Variants in AEBP2 observed in about 807,000 individuals in gnomAD.
The protein encoded by AEBP2 is zinc finger protein AEBP2.
In AEBP2, 10 loss-of-function variants were observed where a neutral mutation model predicts 50.8. The ratio of observed to expected loss-of-function variants is 0.20; its 90% CI spans 0.12 to 0.33. AEBP2 has a LOEUF of 0.33. Among genes scored for constraint, AEBP2 ranks in the 10% least tolerant of loss-of-function variants. The pLI is 1.00. For synonymous variants in AEBP2, 296 were observed against 261.3 expected (o/e 1.13, Z -1.28); for missense variants, 570 against 688.0 (o/e 0.83, Z 1.92).
intron 2 of AEBP2, among the ~76,000 whole-genome samples, chr12:19,463,336 A>C (rs1183384077): frequency 2.0e-5 from 3 of 152,238 alleles, no homozygotes; most frequent in Non-Finnish European, 4.4e-5. Flanking sequence ...TGGGTAAGCC[A>C]AAAGTAATGT....
At chr12:19,446,205 C>T (rs1948062539) in intron 1 of AEBP2, 1 of 152,162 alleles carries the variant, frequency 6.6e-6, no homozygotes, top group African/African-American at 2.4e-5. Context: ...CATTGCGCCC[C>T]ATTTAGTGAT....
chr12:19,518,218 C>CTTT lies in AEBP2; in HGVS notation c.*119_*121dup, dbSNP rs34795094. ...AGTTGCACATTAGAGTCAACCCCTT[C>CTTT]TTTTTTTTTTTTTTTTTTTTAAATC... On this transcript the variant is annotated 3_prime_UTR_variant, in exon 8 of 8. Coordinates refer to ENST00000266508, the MANE Select transcript of AEBP2 (RefSeq NM_153207.5). 486 of 1,131,398 alleles carry CTTT rather than the reference C, an allele frequency of 4.3e-4. No individual in the cohort carries two copies. Among genetic ancestry groups the CTTT allele is most frequent in the East Asian group, 1.2e-3 (30 of 24,430 alleles). 70.1% of individuals were successfully genotyped at this position (1,131,398 alleles called of 1,614,324 possible).
At chr12:19,408,193 A>T (rs1008947976) in intron 1 of AEBP2, among the ~76,000 whole-genome samples, 6 of 152,248 alleles carry the variant, frequency 3.9e-5, no homozygotes, top group Admixed American at 3.9e-4. Context: ...CCATAACAAA[A>T]ATACAAAACC....
intron 1 of AEBP2, among the ~76,000 whole-genome samples, chr12:19,424,521 T>C (rs1281303089): frequency 1.3e-5 from 2 of 151,846 alleles, no homozygotes; most frequent in African/African-American, 2.4e-5. Flanking sequence ...CTCAGCCTCC[T>C]GAGTAGCTGG....
intron 1 of AEBP2, among the ~76,000 whole-genome samples, chr12:19,455,829 C>T (rs1211035517): frequency 2.0e-5 from 3 of 152,092 alleles, no homozygotes; most frequent in Non-Finnish European, 2.9e-5. Flanking sequence ...TCTCTAACAA[C>T]GTGTGTGTAG....
chr12:19,500,104 A>G lies in AEBP2; in HGVS notation c.1182A>G (p.Pro394=). The G allele has an allele frequency of 6.2e-7, 1 of 1,605,572 alleles. No individual in the cohort carries two copies. The highest frequency in any genetic ancestry group is 8.5e-7 in the Non-Finnish European group (1 of 1,176,214). The part of the protein sequence containing the change: ...KNKRRRSLPR[P]HDFFDAQTLD... ...TTTTATGTTGACTTTTAGCACGGCCACATGATTTCTTCGATGCACAAACAC... is the reference window on the plus strand; with the variant it reads ...TTTTATGTTGACTTTTAGCACGGCCGCATGATTTCTTCGATGCACAAACAC... Residue 394 remains proline (P), a synonymous_variant, in exon 5 of 8, where the codon CCA becomes CCG. Transcript: ENST00000266508.
intron 5 of AEBP2, among the ~76,000 whole-genome samples, chr12:19,506,541 A>C (rs934588366): frequency 6.6e-6 from 1 of 152,202 alleles, no homozygotes; most frequent in African/African-American, 2.4e-5. Context: ...GCACCACCAC[A>C]GTTAAGATAG....
chr12:19,481,290 G>A (rs1948726406), intron 3 of AEBP2, among the ~76,000 whole-genome samples: 1 of 150,632 alleles, frequency 6.6e-6, no homozygotes, highest in Non-Finnish European at 1.5e-5. Flanking sequence ...TTTAGTAGAG[G>A]CAGGGTTTCA....
chr12:19,513,909 T>A (rs970830204), intron 6 of AEBP2, among the ~76,000 whole-genome samples: 9 of 144,878 alleles, frequency 6.2e-5, no homozygotes, highest in African/African-American at 1.6e-4. Flanking sequence ...TTTTTTTTTT[T>A]AATGGAGTTT....
chr12:19,460,665 T>TC (rs1261907704), intron 1 of AEBP2, among the ~76,000 whole-genome samples: 4 of 151,670 alleles, frequency 2.6e-5, no homozygotes, highest in African/African-American at 9.7e-5. Context: ...AAGTTTTTTT[T>TC]TTTTTTTGAG....
At chr12:19,421,904 C>T (rs2095746034) in intron 1 of AEBP2, among the ~76,000 whole-genome samples, 1 of 151,876 alleles carries the variant, frequency 6.6e-6, no homozygotes, top group African/African-American at 2.4e-5. Flanking sequence ...AATCCCAGCA[C>T]TTTGGGAGGC....
At chr12:19,491,359 C>T (rs142264291) in intron 3 of AEBP2, among the ~76,000 whole-genome samples, 3 of 152,252 alleles carry the variant, frequency 2.0e-5, no homozygotes, top group African/African-American at 4.8e-5. Flanking sequence ...ATGAATATGG[C>T]TAATTGCCTC....
chr12:19,509,820 C>CTTTTTTTT (rs57103167), intron 5 of AEBP2, among the ~76,000 whole-genome samples: 1 of 68,746 alleles, frequency 1.5e-5, no homozygotes, highest in African/African-American at 5.8e-5. Flanking sequence ...TGGCTACTTT[C>CTTTTTTTT]TTTTTTTTTT....
chr12:19,476,849 G>A (rs529337330), intron 3 of AEBP2, among the ~76,000 whole-genome samples: 1 of 152,296 alleles, frequency 6.6e-6, no homozygotes, highest in South Asian at 2.1e-4. Flanking sequence ...GTTCTGTGAA[G>A]ATTGATGATG....
At chr12:19,510,107 G>C (rs1393409463) in intron 5 of AEBP2, among the ~76,000 whole-genome samples, 1 of 152,050 alleles carries the variant, frequency 6.6e-6, no homozygotes, top group East Asian at 1.9e-4. Flanking sequence ...ATTAGTGTGT[G>C]TGTAAACCCA....
intron 3 of AEBP2, among the ~76,000 whole-genome samples, chr12:19,474,021 C>T (rs1329010070): frequency 6.6e-6 from 1 of 151,998 alleles, no homozygotes; most frequent in African/African-American, 2.4e-5. Context: ...TTTTCATTAG[C>T]AAACAACATT....
chr12:19,457,138 C>T, intron 1 of AEBP2: 2 of 1,598,380 alleles, frequency 1.3e-6, no homozygotes, highest in Non-Finnish European at 1.7e-6. Context: ...TTCCTCATAT[C>T]TCTTCTGGCT....
At position 19,428,859 on chromosome 12, in the gene AEBP2, C is replaced by T. The variant is rs548860322; in HGVS notation, c.-17+24643C>T. Among the ~76,000 whole-genome samples the T allele has an allele frequency of 5.9e-5, 9 of 151,980 alleles. No individual in the cohort carries two copies. The South Asian group carries it at 8.3e-4, about 14-fold the overall frequency. ...AATGTACTTTAAAAAATCATTTAGGCGGGGCCTGGTGGCACATGCCTGTAA... is the reference window on the plus strand; with the variant it reads ...AATGTACTTTAAAAAATCATTTAGGTGGGGCCTGGTGGCACATGCCTGTAA... On this transcript the variant is annotated intron_variant, in intron 1 of 3. Transcript: ENST00000538425.
intron 1 of AEBP2, among the ~76,000 whole-genome samples, chr12:19,428,072 A>G (rs2095749499): frequency 1.3e-5 from 2 of 151,956 alleles, no homozygotes; most frequent in Non-Finnish European, 2.9e-5. Context: ...CTCTGTCTCC[A>G]CAAAAAAATA....
Sources: allele counts gnomAD v4.1 joint callset (sites outside exome capture counted in the v4.1 genomes callset), GRCh38; gene constraint gnomAD v4.1.1; transcripts MANE v1.5; gene names NCBI Gene and HGNC (gene_info 2026-07-23, HGNC 2026-07-21).